FAM114A2: variants seen among roughly 807,000 people sequenced by gnomAD.
The protein encoded by FAM114A2 is family with sequence similarity 114 member A2.
FAM114A2 carries 53 observed loss-of-function variants against 58.4 expected under a neutral mutation model. That is an observed-to-expected ratio of 0.91 (90% CI 0.73 to 1.14). The LOEUF is 1.14. Among genes scored for constraint, FAM114A2 ranks in the 50% most tolerant of loss-of-function variants. The pLI is 0.00. For synonymous variants in FAM114A2, 228 were observed against 211.4 expected (o/e 1.08, Z -0.68); for missense variants, 601 against 581.1 (o/e 1.03, Z -0.35).
chr5:154,035,050 T>C, intron 1 of FAM114A2, 83 bp from the exon 2 acceptor site: 1 of 770,950 alleles, frequency 1.3e-6, no homozygotes. Context: ...TTTGAGATTA[T>C]CATAGATTCA....
Position 154,027,171 on chromosome 5 carries a change from A to C in FAM114A2, c.789+5T>G. The stretch of plus-strand genomic sequence containing the variant: ...TTTCCAGTTGAGATTTTGGCTTGGA[A>C]TTACCTTTATTTCACTTTCTTGGGA... On this transcript the variant is annotated splice_donor_5th_base_variant and intron_variant, in intron 7 of 13. Coordinates refer to ENST00000351797, the MANE Select transcript of FAM114A2 (RefSeq NM_018691.4). The C allele has an allele frequency of 6.2e-7, 1 of 1,604,618 alleles. No homozygotes were observed. The highest frequency in any genetic ancestry group is 1.1e-5 in the South Asian group (1 of 89,126).
intron 8 of FAM114A2, among the ~76,000 whole-genome samples, chr5:154,015,712 G>C (rs530822969): frequency 3.3e-5 from 5 of 152,064 alleles, no homozygotes; most frequent in Admixed American, 3.3e-4. Context: ...ACAAAACAAG[G>C]TTCTTTAACA....
chr5:154,007,641 C>A (rs1770441334), intron 9 of FAM114A2, among the ~76,000 whole-genome samples: 1 of 152,188 alleles, frequency 6.6e-6, no homozygotes, highest in South Asian at 2.1e-4. Flanking sequence ...TTAATGTGAT[C>A]TCTCATTAAG....
At chr5:154,019,943 T>A (rs999189078) in intron 8 of FAM114A2, among the ~76,000 whole-genome samples, 4 of 152,176 alleles carry the variant, frequency 2.6e-5, no homozygotes, top group Admixed American at 6.5e-5. Context: ...CACAACAAAC[T>A]GTTTCTCAGA....
intron 8 of FAM114A2, among the ~76,000 whole-genome samples, chr5:154,025,525 C>T (rs2578373): frequency 0.65 from 99,090 of 151,998 alleles, 32,658 homozygotes; most frequent in East Asian, 0.88. Flanking sequence ...TGAAAGGGTT[C>T]TGGGAATTCA....
intron 9 of FAM114A2, among the ~76,000 whole-genome samples, chr5:154,005,280 C>G (rs927762942): frequency 1.3e-5 from 2 of 152,154 alleles, no homozygotes; most frequent in Non-Finnish European, 2.9e-5. Flanking sequence ...CTGGGTGCAG[C>G]TGCTTCCATC....
At chr5:153,993,627 T>C (rs1408174166) in intron 13 of FAM114A2, among the ~76,000 whole-genome samples, 1 of 152,184 alleles carries the variant, frequency 6.6e-6, no homozygotes, top group Non-Finnish European at 1.5e-5. Context: ...TATTTCTATC[T>C]TGAACAACAT....
rs759479387 is a variant in FAM114A2 at position 154,034,853 on chromosome 5, T to C, written c.101A>G (p.Asp34Gly). The change falls in exon 2 of 14, where the codon GAC (aspartate) becomes GGC (glycine). Residue 34 changes from aspartate (D) to glycine (G), a missense_variant. Coordinates refer to ENST00000351797, the MANE Select transcript of FAM114A2 (RefSeq NM_018691.4). ...CEPAKNSESV[D>G]QGAKPESKSE... ...TTTACTCTCTGGTTTGGCACCTTGG[T>C]CAACAGACTCAGAATTCTTGGCTGG... is the stretch of plus-strand genomic sequence containing the variant. 6.2e-7 allele frequency: 1 copy of C among 1,614,032 alleles called. No homozygotes were observed. The highest frequency in any genetic ancestry group is 8.5e-7 in the Non-Finnish European group (1 of 1,179,896).
At chr5:154,037,346 A>C (rs1479503887) in intron 1 of FAM114A2, 3 of 152,272 alleles carry the variant, frequency 2.0e-5, no homozygotes, top group Admixed American at 6.5e-5. Flanking sequence ...CATAGAGAAA[A>C]AATCCAGATA....
rs1225557068 is a variant in FAM114A2 at position 154,027,185 on chromosome 5, A to C, written c.780T>G (p.Ser260Arg). Residue 260 changes from serine (S) to arginine (R), a missense_variant, in exon 7 of 14, where the codon AGT (serine) becomes AGG (arginine). Coordinates refer to ENST00000351797, the MANE Select transcript of FAM114A2 (RefSeq NM_018691.4). ...TTTGGCTTGGAATTACCTTTATTTC[A>C]CTTTCTTGGGAAAGCATCTCCAGAG... ...LEALEMLSQE[S>R]EIKVKSILNS... 2 of 1,608,090 alleles carry C rather than the reference A, an allele frequency of 1.2e-6. No individual in the cohort carries two copies. Among genetic ancestry groups the C allele is most frequent in the Non-Finnish European group, 1.7e-6 (2 of 1,178,266 alleles).
At chr5:154,002,820 C>CA (rs759662984) in intron 10 of FAM114A2, 27 bp downstream of exon 10, 8 of 1,613,104 alleles carry the variant, frequency 5.0e-6, no homozygotes, top group Non-Finnish European at 8.5e-7. Context: ...CTAAAACAAA[C>CA]AAAAAAGGCT....
intron 9 of FAM114A2, 42 bp downstream of exon 9, chr5:154,011,199 T>C (rs1203835149): frequency 4.2e-6 from 6 of 1,423,814 alleles, no homozygotes; most frequent in African/African-American, 1.4e-5. Context: ...ACTACATTTT[T>C]ACAAGTAAAA....
At chr5:154,015,833 C>G (rs755834533) in intron 8 of FAM114A2, among the ~76,000 whole-genome samples, 1 of 151,842 alleles carries the variant, frequency 6.6e-6, no homozygotes. Flanking sequence ...AAGGAGGCAC[C>G]ACAGAAAGGC....
At chr5:154,009,010 T>C (rs1770527069) in intron 9 of FAM114A2, among the ~76,000 whole-genome samples, 1 of 152,226 alleles carries the variant, frequency 6.6e-6, no homozygotes, top group African/African-American at 2.4e-5. Flanking sequence ...CGTGCACATA[T>C]GTATCTACAA....
chr5:154,019,000 A>T lies in FAM114A2; in HGVS notation c.913+7399T>A, dbSNP rs143009520. The stretch of plus-strand genomic sequence containing the variant: ...AGCATTCCCTCTGAGAACTGGAACA[A>T]GACAAGGATGCCCACTCTCACCACT... On this transcript the variant is annotated intron_variant, in intron 8 of 13. Transcript: ENST00000351797. Among the ~76,000 whole-genome samples, 525 of 152,322 alleles carry T rather than the reference A, an allele frequency of 3.4e-3. 6 individuals are homozygous for T. Among genetic ancestry groups the T allele is most frequent in the African/African-American group, 0.012 (498 of 41,564 alleles).
chr5:154,035,342 C>T (rs540932112), intron 1 of FAM114A2, among the ~76,000 whole-genome samples: 4 of 152,212 alleles, frequency 2.6e-5, no homozygotes, highest in South Asian at 2.1e-4. Flanking sequence ...TAACCACTTC[C>T]GACACTCCTT....
chr5:154,018,040 A>G (rs906813407), intron 8 of FAM114A2, among the ~76,000 whole-genome samples: 1 of 152,228 alleles, frequency 6.6e-6, no homozygotes, highest in African/African-American at 2.4e-5. Context: ...ACCCAAACCC[A>G]GCAGAAGAAA....
chr5:154,027,054 A>G, intron 7 of FAM114A2, 122 bp downstream of exon 7: 2 of 718,904 alleles, frequency 2.8e-6, no homozygotes, highest in South Asian at 4.2e-5. Flanking sequence ...AGTATTTCGA[A>G]GGCATCTCAA....
chr5:154,028,522 A>C (rs1410499886), intron 5 of FAM114A2, among the ~76,000 whole-genome samples: 1 of 152,204 alleles, frequency 6.6e-6, no homozygotes, highest in African/African-American at 2.4e-5. Flanking sequence ...TCATGGTTAC[A>C]TCCTAACAGA....
Sources: gnomAD v4.1 joint callset for allele counts (sites outside exome capture counted in the v4.1 genomes callset) on GRCh38, gnomAD v4.1.1 for gene constraint, MANE v1.5 for transcripts, NCBI Gene and HGNC (gene_info 2026-07-23, HGNC 2026-07-21) for gene names.